Variants in SORCS2 observed in about 807,000 individuals in gnomAD.
The protein encoded by SORCS2 is VPS10 domain-containing receptor SorCS2.
A neutral mutation model predicts 141.6 loss-of-function variants in SORCS2; 100 were observed. The observed-to-expected ratio is 0.71, with a 90% CI of 0.60 to 0.83. SORCS2 has a LOEUF of 0.83. Ranked by LOEUF, SORCS2 falls within the 40% of genes least tolerant of loss-of-function variation. SORCS2 has a pLI of 0.00. For missense variants in SORCS2, 1,646 were observed against 1,560.2 expected, an observed-to-expected ratio of 1.05 and a Z score of -0.93; for synonymous variants, 789 against 676.9, an observed-to-expected ratio of 1.17 and a Z score of -2.57.
chr4:7,326,152 C>T (rs571707071), intron 1 of SORCS2, among the ~76,000 whole-genome samples: 30 of 152,128 alleles, frequency 2.0e-4, no homozygotes, highest in Admixed American at 1.6e-3. Flanking sequence ...AGGGGTTTGA[C>T]CACATCACAA....
chr4:7,656,688 G>A lies in SORCS2; in HGVS notation c.887+2481G>A, dbSNP rs547243252. ...CGGGTGTTCCTGCATCTGCCTCCTT[G>A]CTCAGCCCCACGCTCACCCAGGGAA... On this transcript the variant is annotated intron_variant, in intron 5 of 26. Transcript: ENST00000507866. Among the ~76,000 whole-genome samples, 109 of 152,312 alleles carry A rather than the reference G, an allele frequency of 7.2e-4. 1 individual carries two copies. The highest frequency in any genetic ancestry group is 2.4e-3 in the African/African-American group (101 of 41,586).
rs758471651 is a variant in SORCS2 at position 7,708,272 on chromosome 4, C to T, written c.1868+3988C>T. On this transcript the variant is annotated intron_variant, in intron 14 of 26. Coordinates refer to ENST00000507866, the MANE Select transcript of SORCS2 (RefSeq NM_020777.3). ...GATTCTAGTATAGAGGCCTGGCTTC[C>T]GCCCACTCCACAGCAGACAGACAGG... Among the ~76,000 whole-genome samples the T allele has an allele frequency of 9.8e-5, 15 of 152,316 alleles. 1 individual carries two copies. Among genetic ancestry groups the T allele is most frequent in the South Asian group, 4.1e-4 (2 of 4,828 alleles).
At chr4:7,614,598 C>T (rs1718633485) in intron 3 of SORCS2, among the ~76,000 whole-genome samples, 1 of 76,920 alleles carries the variant, frequency 1.3e-5, no homozygotes, top group South Asian at 3.5e-4. Context: ...ATCCACCCAT[C>T]CACCTATCCA....
At chr4:7,403,997 A>ATATATATATATATATATATATTT (rs1265288820) in intron 2 of SORCS2, among the ~76,000 whole-genome samples, 1 of 19,004 alleles carries the variant, frequency 5.3e-5, no homozygotes. Flanking sequence ...ATATATATAT[A>ATATATATATATATATATATATTT]TTTTTTTTTT....
At position 7,704,302 on chromosome 4, in the gene SORCS2, G is replaced by C. The variant is rs773912473; in HGVS notation, c.1868+18G>C. 10 of 1,593,446 alleles carry C rather than the reference G, an allele frequency of 6.3e-6. No homozygotes were observed. In the African/African-American group the frequency reaches 9.4e-5, roughly 15 times the overall value. The stretch of plus-strand genomic sequence containing the variant: ...GTCATGACGTGAGTGCGGGGACCGG[G>C]GAGTGGGCACTGGTGGCAGGGCAGA... On this transcript the variant is annotated intron_variant, in intron 14 of 26. Transcript: ENST00000507866.
At chr4:7,674,578 TAAAAAA>T (rs377431157) in intron 8 of SORCS2, among the ~76,000 whole-genome samples, 2,543 of 82,578 alleles carry the variant, frequency 0.031, 12 homozygotes, top group Middle Eastern at 0.081. Flanking sequence ...TGTCTCAAAA[TAAAAAA>T]AAAAAAAAAA....
intron 3 of SORCS2, among the ~76,000 whole-genome samples, chr4:7,556,385 C>A (rs902686450): frequency 6.6e-6 from 1 of 152,076 alleles, no homozygotes; most frequent in Admixed American, 6.5e-5. Context: ...GGGCGCTGGG[C>A]TGGAGACACT....
chr4:7,192,798 G>C lies in SORCS2; in HGVS notation c.152G>C (p.Arg51Pro). The C allele has an allele frequency of 2.0e-6, 2 of 1,019,218 alleles. No homozygotes were observed. Among genetic ancestry groups the C allele is most frequent in the Non-Finnish European group, 2.3e-6 (2 of 854,066 alleles). The allele number at this position is 1,019,218 out of a possible 1,614,324, so 63.1% of individuals were successfully genotyped here. ...LLLGACGAAG[R>P]SPEPGRLGPH... The stretch of plus-strand genomic sequence containing the variant: ...CTGGGCGCCTGCGGGGCGGCGGGGC[G>C]CTCCCCTGAGCCCGGGCGCCTGGGT... The change falls in exon 1 of 27, where the codon CGC (arginine) becomes CCC (proline). Residue 51 changes from arginine (R) to proline (P), a missense_variant. Physicochemically the swap from Arg to Pro is moderately radical, Grantham distance 103 (BLOSUM62 -2). Coordinates refer to ENST00000507866, the MANE Select transcript of SORCS2 (RefSeq NM_020777.3). This position sits in a 1 kb window ranked among gnomAD's most constrained non-coding sequence, Gnocchi z 4.0.
intron 2 of SORCS2, among the ~76,000 whole-genome samples, chr4:7,524,999 A>T (rs1733581211): frequency 6.6e-6 from 1 of 152,144 alleles, no homozygotes; most frequent in African/African-American, 2.4e-5. Flanking sequence ...CGGGAGCTTA[A>T]CTCGGGTCCT....
intron 12 of SORCS2, among the ~76,000 whole-genome samples, chr4:7,702,690 C>T (rs1725164106): frequency 6.6e-6 from 1 of 152,258 alleles, no homozygotes; most frequent in Admixed American, 6.5e-5. Context: ...CACATACTCC[C>T]TGGCACCAAG....
At chr4:7,312,317 C>T (rs1010259749) in intron 1 of SORCS2, among the ~76,000 whole-genome samples, 1 of 152,214 alleles carries the variant, frequency 6.6e-6, no homozygotes, top group Admixed American at 6.5e-5. Context: ...CACCGATCAA[C>T]CCTCAGCTGG....
chr4:7,463,837 G>T (rs767526605), intron 2 of SORCS2, among the ~76,000 whole-genome samples: 1 of 152,182 alleles, frequency 6.6e-6, no homozygotes, highest in Non-Finnish European at 1.5e-5. Context: ...GACTGGTGTG[G>T]AATTGGTTTC....
chr4:7,319,394 A>G (rs113576045), intron 1 of SORCS2, among the ~76,000 whole-genome samples: 66 of 152,190 alleles, frequency 4.3e-4, no homozygotes, highest in African/African-American at 1.5e-3. Flanking sequence ...TCTGACTTAC[A>G]TGGCATTTTC....
chr4:7,556,524 G>A (rs75452312), intron 3 of SORCS2, among the ~76,000 whole-genome samples: 4,302 of 152,246 alleles, frequency 0.028, 203 homozygotes, highest in African/African-American at 0.094. Context: ...AAAGACCCAG[G>A]AGGCTGAGAC....
chr4:7,540,880 C>T (rs1336703021), intron 3 of SORCS2, among the ~76,000 whole-genome samples: 1 of 152,242 alleles, frequency 6.6e-6, no homozygotes, highest in Non-Finnish European at 1.5e-5. Context: ...GCAGCTCAGG[C>T]CTGGCCCTGG....
intron 2 of SORCS2, among the ~76,000 whole-genome samples, chr4:7,402,670 T>C (rs1724668114): frequency 6.6e-6 from 1 of 152,166 alleles, no homozygotes; most frequent in East Asian, 1.9e-4. Flanking sequence ...CACAACTTTC[T>C]TTTTCTCTAC....
rs1560107612 is a variant in SORCS2 at position 7,201,065 on chromosome 4, G to A, written c.480+7939G>A. ...CGGGTGAAATGTTTGGTCTGGACAG[G>A]AATTCACCCCAGCGCGTTCTAGGTG... On this transcript the variant is annotated intron_variant, in intron 1 of 26. Coordinates refer to ENST00000507866, the MANE Select transcript of SORCS2 (RefSeq NM_020777.3). The surrounding 1 kb of genome is among the most constrained non-coding windows in gnomAD (Gnocchi z 4.4). Among the ~76,000 whole-genome samples the A allele has an allele frequency of 6.6e-6, 1 of 152,194 alleles. No individual in the cohort carries two copies. The highest frequency in any genetic ancestry group is 1.9e-4 in the East Asian group (1 of 5,192).
chr4:7,404,280 A>G (rs1212323955), intron 2 of SORCS2, among the ~76,000 whole-genome samples: 2 of 151,944 alleles, frequency 1.3e-5, no homozygotes, highest in South Asian at 2.1e-4. Flanking sequence ...CATCTTTTCT[A>G]TTGTGAATAG....
chr4:7,686,430 CT>C, intron 10 of SORCS2, among the ~76,000 whole-genome samples: 1 of 152,300 alleles, frequency 6.6e-6, no homozygotes, highest in South Asian at 2.1e-4. Flanking sequence ...CCTCTGGCCC[CT>C]ATGTGCCAAA....
Sources: allele counts gnomAD v4.1 joint callset (sites outside exome capture counted in the v4.1 genomes callset), GRCh38; gene constraint gnomAD v4.1.1; non-coding constraint Gnocchi (gnomAD v3.1); transcripts MANE v1.5; gene names NCBI Gene and HGNC (gene_info 2026-07-23, HGNC 2026-07-21).